The following FAM240A variants were observed in gnomAD, a reference collection of about 807,000 sequenced individuals.
The protein encoded by FAM240A is protein FAM240A.
FAM240A carries 8 observed loss-of-function variants against 7.3 expected under a neutral mutation model. That is an observed-to-expected ratio of 1.09 (90% confidence interval 0.64 to 1.97). FAM240A has a LOEUF of 1.97. FAM240A is among the 30% of genes most tolerant of loss of function. The pLI is 0.00. For synonymous variants in FAM240A, 32 were observed against 35.9 expected, an observed-to-expected ratio of 0.89 and a Z score of 0.38; for missense variants, 90 against 102.2, an observed-to-expected ratio of 0.88 and a Z score of 0.52.
rs139270165 is a variant in FAM240A at position 46,618,371 on chromosome 3, G to A, written c.161+1043G>A. 2.8e-3 allele frequency among the ~76,000 whole-genome samples: 433 copies of A among 152,262 alleles called. 4 individuals carry two copies. The highest frequency in any genetic ancestry group is 9.7e-3 in the African/African-American group (404 of 41,554). Reference sequence around the variant, plus strand: ...CTGCCATCTTCGTCCCCCAGGCTATGCCACTCAGAGTCCTGTACCATGTGT... The same window carrying A: ...CTGCCATCTTCGTCCCCCAGGCTATACCACTCAGAGTCCTGTACCATGTGT... On this transcript the variant is annotated intron_variant, in intron 2 of 2. Transcript: ENST00000640551.
chr3:46,623,575 C>T (rs1342963650), intron 2 of FAM240A, among the ~76,000 whole-genome samples: 1 of 152,040 alleles, frequency 6.6e-6, no homozygotes, highest in East Asian at 1.9e-4. Flanking sequence ...TTATTAGGTA[C>T]AAAAATGTTT....
At chr3:46,625,107 G>T in intron 2 of FAM240A, 21 bp from the exon 3 acceptor site, 1 of 1,511,046 alleles carries the variant, frequency 6.6e-7, no homozygotes, top group South Asian at 1.2e-5. Flanking sequence ...CTCCATCTGT[G>T]TGTTTGGTTT....
Position 46,614,081 on chromosome 3 carries a change from G to C in FAM240A, c.15+1383G>C, listed in dbSNP as rs144952084. Reference sequence around the variant, plus strand: ...CCACAGGCACGTAGCACTACGCCCAGCTAATTTTTTATTTTTTATTTTTAT... The same window carrying C: ...CCACAGGCACGTAGCACTACGCCCACCTAATTTTTTATTTTTTATTTTTAT... On this transcript the variant is annotated intron_variant, in intron 1 of 2. Coordinates refer to ENST00000640551, the MANE Select transcript of FAM240A (RefSeq NM_001195442.2). Among the ~76,000 whole-genome samples the C allele has an allele frequency of 4.5e-3, 686 of 152,102 alleles. 9 individuals are homozygous for C. The highest frequency in any genetic ancestry group is 0.015 in the African/African-American group (617 of 41,506).
intron 2 of FAM240A, among the ~76,000 whole-genome samples, chr3:46,618,338 T>C (rs1011464568): frequency 3.3e-5 from 5 of 152,238 alleles, no homozygotes; most frequent in Admixed American, 1.3e-4. Context: ...CAGTCATTTC[T>C]GCAGTTCCTG....
chr3:46,614,783 G>A (rs1186217068), intron 1 of FAM240A, among the ~76,000 whole-genome samples: 3 of 152,190 alleles, frequency 2.0e-5, no homozygotes, highest in Non-Finnish European at 1.5e-5. Context: ...ACCAAGGATA[G>A]AGATAAATGA....
At chr3:46,622,842 C>T (rs1362161733) in intron 2 of FAM240A, among the ~76,000 whole-genome samples, 1 of 151,990 alleles carries the variant, frequency 6.6e-6, no homozygotes, top group Admixed American at 6.5e-5. Context: ...TTTAGTTATC[C>T]TAGGTTATCT....
intron 2 of FAM240A, among the ~76,000 whole-genome samples, chr3:46,622,106 CTT>C (rs1171256555): frequency 2.5e-5 from 2 of 79,662 alleles, no homozygotes; most frequent in East Asian, 6.1e-4. Context: ...AGAAAATTTT[CTT>C]TTTTTTTTTT....
At chr3:46,615,749 C>G (rs1185840839) in intron 1 of FAM240A, among the ~76,000 whole-genome samples, 1 of 152,206 alleles carries the variant, frequency 6.6e-6, no homozygotes, top group African/African-American at 2.4e-5. Context: ...TATATCCACT[C>G]AGCTGGTCTG....
chr3:46,613,524 T>TAAATAAATAAATAAATAAAA (rs1181530815), intron 1 of FAM240A, among the ~76,000 whole-genome samples: 9 of 151,326 alleles, frequency 5.9e-5, no homozygotes, highest in African/African-American at 1.2e-4. Flanking sequence ...AATAAATAAA[T>TAAATAAATAAATAAATAAAA]AAAAAACAAG....
intron 2 of FAM240A, among the ~76,000 whole-genome samples, chr3:46,621,098 C>T (rs774088981): frequency 3.9e-5 from 6 of 151,994 alleles, no homozygotes; most frequent in African/African-American, 9.7e-5. Flanking sequence ...TTCTAAAAAA[C>T]GTTATCTTGA....
intron 2 of FAM240A, 84 bp downstream of exon 2, chr3:46,617,412 C>T (rs1697643095): frequency 1.6e-6 from 2 of 1,246,624 alleles, no homozygotes; most frequent in Non-Finnish European, 2.1e-6. Context: ...AGGTTCACAG[C>T]AAAATTGAGC....
At chr3:46,621,832 T>C (rs1381601241) in intron 2 of FAM240A, among the ~76,000 whole-genome samples, 1 of 152,136 alleles carries the variant, frequency 6.6e-6, no homozygotes, top group Non-Finnish European at 1.5e-5. Flanking sequence ...CATATTTTAG[T>C]ATAAATTGGT....
chr3:46,616,521 C>T (rs906320203), intron 1 of FAM240A, among the ~76,000 whole-genome samples: 3 of 152,164 alleles, frequency 2.0e-5, no homozygotes, highest in East Asian at 1.9e-4. Flanking sequence ...CATTATACCA[C>T]TCTGTTTGCC....
At position 46,624,963 on chromosome 3, in the gene FAM240A, T is replaced by TTATATATATATATATA. The variant is rs10539495; in HGVS notation, c.162-161_162-146dup. On this transcript the variant is annotated intron_variant, in intron 2 of 2. Coordinates refer to ENST00000640551, the MANE Select transcript of FAM240A (RefSeq NM_001195442.2). Reference sequence around the variant, plus strand: ...ATATAAATAAATAAATATGAATAAATTATATATATATATATATATTTAAAC... The same window carrying TTATATATATATATATA: ...ATATAAATAAATAAATATGAATAAATTATATATATATATATATATATATATATATATATATTTAAAC... Among the ~76,000 whole-genome samples, 147 of 146,624 alleles carry TTATATATATATATATA rather than the reference T, an allele frequency of 1.0e-3. 2 individuals are homozygous for TTATATATATATATATA. The highest frequency in any genetic ancestry group is 3.6e-3 in the African/African-American group (146 of 40,226).
chr3:46,617,383 T>C, intron 2 of FAM240A, 55 bp downstream of exon 2: 1 of 1,421,006 alleles, frequency 7.0e-7, no homozygotes, highest in Non-Finnish European at 9.3e-7. Flanking sequence ...AAATACATCG[T>C]ATAATTTAGA....
chr3:46,622,699 G>A (rs1697711476), intron 2 of FAM240A, among the ~76,000 whole-genome samples: 1 of 152,130 alleles, frequency 6.6e-6, no homozygotes, highest in Non-Finnish European at 1.5e-5. Context: ...CTATGTGTAG[G>A]AATGTTTTTG....
chr3:46,619,566 G>A (rs1043921334), intron 2 of FAM240A, among the ~76,000 whole-genome samples: 5 of 152,136 alleles, frequency 3.3e-5, no homozygotes, highest in South Asian at 2.1e-4. Flanking sequence ...GCCGTCTCCC[G>A]CCTGTCCACT....
intron 2 of FAM240A, among the ~76,000 whole-genome samples, chr3:46,624,503 C>T (rs1261209887): frequency 1.3e-5 from 2 of 152,030 alleles, no homozygotes; most frequent in Non-Finnish European, 2.9e-5. Flanking sequence ...AACTCCTGAC[C>T]TTGTGATCTG....
rs189852333 is a variant in FAM240A, at chr3:46,623,027, T to C, written c.162-2101T>C. 1.7e-4 allele frequency among the ~76,000 whole-genome samples: 26 copies of C among 152,338 alleles called. No homozygotes were observed. The East Asian group carries it at 5.0e-3, about 29-fold the overall frequency. On this transcript the variant is annotated intron_variant, in intron 2 of 2. Transcript: ENST00000640551. ...ATATATACGTCCCTTTATTTAGGTC[T>C]GTTTTAATATCTCTCAGCAATGGTT...
Sources: allele counts gnomAD v4.1 joint callset (sites outside exome capture counted in the v4.1 genomes callset), GRCh38; gene constraint gnomAD v4.1.1; transcripts MANE v1.5; gene names NCBI Gene and HGNC (gene_info 2026-07-23, HGNC 2026-07-21).